The following CMIP variants were observed in gnomAD, a reference collection of about 807,000 sequenced individuals.
CMIP encodes C-Maf-inducing protein.
Under a neutral mutation model 97.3 loss-of-function variants are expected in CMIP, and 13 were observed. That is an observed-to-expected ratio of 0.13 (90% CI 0.09 to 0.21). CMIP has a LOEUF of 0.21. CMIP is among the 10% of genes least tolerant of loss of function. CMIP has a pLI of 1.00. For missense variants in CMIP, 847 were observed against 1,024.9 expected (o/e 0.83, Z 2.37); for synonymous variants, 538 against 436.3 (o/e 1.23, Z -2.91).
intron 10 of CMIP, among the ~76,000 whole-genome samples, chr16:81,679,873 G>C (rs908374597): frequency 3.3e-5 from 5 of 152,172 alleles, no homozygotes; most frequent in Non-Finnish European, 1.5e-5. Context: ...CTCATTGACT[G>C]TTCCCTTCTG....
chr16:81,550,527 A>G (rs1597545638), intron 1 of CMIP, among the ~76,000 whole-genome samples: 1 of 152,146 alleles, frequency 6.6e-6, no homozygotes, highest in East Asian at 1.9e-4. Flanking sequence ...TGGTGTTGAC[A>G]GGTCTTATCC....
At chr16:81,483,449 CT>C (rs1414058303) in intron 1 of CMIP, among the ~76,000 whole-genome samples, 1 of 152,132 alleles carries the variant, frequency 6.6e-6, no homozygotes, top group Admixed American at 6.5e-5. Flanking sequence ...CTTGTAAGAA[CT>C]TTGGCCGTTA....
chr16:81,582,892 G>A (rs933407888), intron 1 of CMIP, among the ~76,000 whole-genome samples: 7 of 152,160 alleles, frequency 4.6e-5, no homozygotes, highest in African/African-American at 1.4e-4. Context: ...CACGGCAGTT[G>A]GGGGACACCA....
Position 81,621,290 on chromosome 16 carries a change from C to G in CMIP, c.477+364C>G. 5.1e-6 allele frequency: 1 copy of G among 196,974 alleles called. No individual in the cohort carries two copies. Among genetic ancestry groups the G allele is most frequent in the Non-Finnish European group, 1.1e-5 (1 of 93,994 alleles). The allele number at this position is 196,974 out of a possible 1,614,324, so 12.2% of individuals were successfully genotyped here. A position where few individuals can be genotyped will look rare whatever the true frequency, so the allele number is the denominator to read the frequency against. The stretch of plus-strand genomic sequence containing the variant: ...CTTAGTTGAAAGTAACTTCCAAAGG[C>G]TGTGCCAAGTGTAAACTTAACAGAG... On this transcript the variant is annotated intron_variant, in intron 3 of 20. Transcript: ENST00000537098. This position sits in a 1 kb window ranked among gnomAD's most constrained non-coding sequence, Gnocchi z 4.1.
At chr16:81,466,201 C>T (rs569975023) in intron 1 of CMIP, among the ~76,000 whole-genome samples, 14 of 152,254 alleles carry the variant, frequency 9.2e-5, no homozygotes, top group African/African-American at 2.6e-4. Context: ...GCTGGGCCTG[C>T]GGGTGTGTGC....
intron 1 of CMIP, among the ~76,000 whole-genome samples, chr16:81,537,947 C>A (rs1020317169): frequency 6.6e-6 from 1 of 152,196 alleles, no homozygotes. Context: ...TCTTGGCCGT[C>A]AGGCCGAGGC....
rs748195860 is a variant in CMIP, at chr16:81,621,035, A to T, written c.477+109A>T. 7.2e-7 allele frequency: 1 copy of T among 1,392,990 alleles called. No homozygotes were observed. The highest frequency in any genetic ancestry group is 1.0e-6 in the Non-Finnish European group (1 of 1,003,618). The allele number at this position is 1,392,990 out of a possible 1,614,324, so 86.3% of individuals were successfully genotyped here. On this transcript the variant is annotated intron_variant, in intron 3 of 20. Transcript: ENST00000537098. The surrounding 1 kb of genome is among the most constrained non-coding windows in gnomAD (Gnocchi z 4.1). ...AAAGTGGAGAACTCATGCCTTCCAG[A>T]TGGCTCAGCTGAGGAACTTTGTTCC...
At chr16:81,578,405 C>T (rs1427821627) in intron 1 of CMIP, among the ~76,000 whole-genome samples, 1 of 152,210 alleles carries the variant, frequency 6.6e-6, no homozygotes, top group Non-Finnish European at 1.5e-5. Flanking sequence ...AATGGCAGTC[C>T]CAGCCCTGAG....
chr16:81,607,809 G>A, intron 2 of CMIP, 117 bp downstream of exon 2: 1 of 1,171,784 alleles, frequency 8.5e-7, no homozygotes, highest in South Asian at 1.6e-5. Flanking sequence ...TTTAACTTTG[G>A]GTGATTTTAT....
At chr16:81,686,910 G>A (rs954399061) in intron 10 of CMIP, among the ~76,000 whole-genome samples, 3 of 152,100 alleles carry the variant, frequency 2.0e-5, no homozygotes, top group Admixed American at 6.5e-5. Context: ...TGCCCAGCCC[G>A]GGTCTGAGCA....
At chr16:81,525,284 C>A (rs946090224) in intron 1 of CMIP, among the ~76,000 whole-genome samples, 66 of 151,880 alleles carry the variant, frequency 4.3e-4, no homozygotes, top group African/African-American at 1.4e-3. Flanking sequence ...GCTGGGGTTA[C>A]AGGCACCCGC....
At position 81,678,278 on chromosome 16, in the gene CMIP, C is replaced by T. The variant is rs780185667; in HGVS notation, c.1038C>T (p.Arg346=). The T allele has an allele frequency of 1.4e-5, 23 of 1,589,384 alleles. No individual in the cohort carries two copies. Among genetic ancestry groups the T allele is most frequent in the Middle Eastern group, 1.7e-4 (1 of 6,026 alleles). ...CCTCTCCCGCCTCTTCCCCCAGCCG[C>T]GACAATTCCCCAAGCCTGAAGGAAA... The part of the protein sequence containing the change: ...YSCYEEFINS[R]DNSPSLKEIR... Residue 346 remains arginine (R), a synonymous_variant, in exon 10 of 21, where the codon CGC becomes CGT. Coordinates refer to ENST00000537098, the MANE Select transcript of CMIP (RefSeq NM_198390.3).
intron 1 of CMIP, among the ~76,000 whole-genome samples, chr16:81,573,266 C>A (rs1015106983): frequency 2.6e-5 from 4 of 151,858 alleles, no homozygotes; most frequent in African/African-American, 9.7e-5. Context: ...ATTGCTTGAA[C>A]CTGGGAGGTG....
chr16:81,554,621 G>C (rs531764429), intron 1 of CMIP, among the ~76,000 whole-genome samples: 4 of 152,322 alleles, frequency 2.6e-5, no homozygotes, highest in African/African-American at 9.6e-5. Flanking sequence ...TTCTGGCTCA[G>C]AGCTGTCCTT....
chr16:81,706,325 A>AG (rs1011580713), intron 19 of CMIP, among the ~76,000 whole-genome samples: 4 of 152,074 alleles, frequency 2.6e-5, no homozygotes, highest in Non-Finnish European at 5.9e-5. Context: ...GAGTTGGCCA[A>AG]GGGGGAGGCA....
chr16:81,602,192 A>G (rs2091668820), intron 1 of CMIP, among the ~76,000 whole-genome samples: 1 of 152,210 alleles, frequency 6.6e-6, no homozygotes, highest in Admixed American at 6.5e-5. Flanking sequence ...TAGCTGCTAC[A>G]GTGAGAGTTC....
At chr16:81,462,680 A>T (rs1490318091) in intron 1 of CMIP, among the ~76,000 whole-genome samples, 1 of 152,106 alleles carries the variant, frequency 6.6e-6, no homozygotes, top group Non-Finnish European at 1.5e-5. Flanking sequence ...CTGGAGTTTC[A>T]AGGTTGGCAC....
At chr16:81,656,517 C>T (rs746927969) in intron 4 of CMIP, among the ~76,000 whole-genome samples, 1 of 152,368 alleles carries the variant, frequency 6.6e-6, no homozygotes, top group Non-Finnish European at 1.5e-5. Context: ...GAAGGGCGGG[C>T]ACTTCTGAGT....
chr16:81,584,818 G>A (rs1167644697), intron 1 of CMIP, among the ~76,000 whole-genome samples: 1 of 152,212 alleles, frequency 6.6e-6, no homozygotes, highest in Non-Finnish European at 1.5e-5. Context: ...GTAAAGGAAC[G>A]CTTCTGCAAG....
Sources: gnomAD v4.1 joint callset for allele counts (sites outside exome capture counted in the v4.1 genomes callset) on GRCh38, gnomAD v4.1.1 for gene constraint, Gnocchi (gnomAD v3.1) non-coding constraint, MANE v1.5 for transcripts, NCBI Gene and HGNC (gene_info 2026-07-23, HGNC 2026-07-21) for gene names.